Variants in DENND3 observed in about 807,000 individuals in gnomAD.
The protein encoded by DENND3 is DENN domain containing 3.
In DENND3, 88 loss-of-function variants were observed where a neutral mutation model predicts 135.1. The ratio of observed to expected loss-of-function variants is 0.65; its 90% confidence interval spans 0.55 to 0.78. The LOEUF (loss-of-function observed/expected upper bound fraction) is 0.78. Ranked by LOEUF, DENND3 falls within the 30% of genes least tolerant of loss-of-function variation. The pLI is 0.00. For missense variants in DENND3, 1,392 were observed against 1,688.4 expected (o/e 0.82, Z 3.08); for synonymous variants, 693 against 712.3 (o/e 0.97, Z 0.43).
intron 17 of DENND3, among the ~76,000 whole-genome samples, chr8:141,181,429 G>A (rs374120185): frequency 4.9e-4 from 75 of 152,326 alleles, no homozygotes; most frequent in Non-Finnish European, 7.9e-4. Flanking sequence ...TCAGATATTT[G>A]TTGTCATAGG....
At chr8:141,165,343 A>C in intron 11 of DENND3, 54 bp downstream of exon 11, 2 of 1,419,322 alleles carry the variant, frequency 1.4e-6, no homozygotes, top group Admixed American at 3.4e-5. Flanking sequence ...ACAGTGTTCA[A>C]GGACCTCAGT....
rs749534103 is a variant in DENND3, at chr8:141,136,596, G to C, written c.190G>C (p.Glu64Gln). The C allele has an allele frequency of 1.9e-6, 3 of 1,594,758 alleles. No homozygotes were observed. Among genetic ancestry groups the C allele is most frequent in the Non-Finnish European group, 2.6e-6 (3 of 1,170,908 alleles). The change falls in exon 2 of 23, where the codon GAG (glutamate) becomes CAG (glutamine). Residue 64 changes from glutamate (E) to glutamine (Q), a missense_variant. Physicochemically the swap from Glu to Gln is conservative, Grantham distance 29. Transcript: ENST00000519811. ...TTTCGTGCCTCCTTTTATCAGTAAA[G>C]AGGACAGTCAAATGGCCGGTGCCAA... ...SIFVPPFISK[E>Q]DSQMAGANCG...
intron 5 of DENND3, among the ~76,000 whole-genome samples, chr8:141,149,259 C>T (rs1370537060): frequency 2.0e-5 from 3 of 152,182 alleles, no homozygotes; most frequent in Non-Finnish European, 4.4e-5. Flanking sequence ...AAATTGGTAA[C>T]AAGAAAGCAA....
Position 141,138,621 on chromosome 8 carries a change from G to A in DENND3, c.501+484G>A, listed in dbSNP as rs1817068351. ...GGCTGGTTTCGAACTCCTGACCTCA[G>A]GTGATCCACCCGCCTCAGCCTCCCA... On this transcript the variant is annotated intron_variant, in intron 3 of 22. Transcript: ENST00000519811. This position sits in a 1 kb window ranked among gnomAD's most constrained non-coding sequence, Gnocchi z 4.8. Among the ~76,000 whole-genome samples, 1 of 152,006 alleles carries A rather than the reference G, an allele frequency of 6.6e-6. No homozygotes were observed. The highest frequency in any genetic ancestry group is 2.4e-5 in the African/African-American group (1 of 41,382).
chr8:141,190,135 T>A, intron 19 of DENND3, 149 bp from the exon 20 acceptor site: 1 of 1,066,498 alleles, frequency 9.4e-7, no homozygotes, highest in Non-Finnish European at 1.2e-6. Flanking sequence ...TTGCAGGTTA[T>A]TATGTTTGCA....
Position 141,154,593 on chromosome 8 carries a change from G to T in DENND3, c.1075-1256G>T, listed in dbSNP as rs796253989. On this transcript the variant is annotated intron_variant, in intron 7 of 22. Transcript: ENST00000519811. This position sits in a 1 kb window ranked among gnomAD's most constrained non-coding sequence, Gnocchi z 4.4. ...TTTTTTTTTTGTGAGATGGAGTTTC[G>T]CTCTTGTTGCCCAGGCTGGAGTGCA... 3.5e-4 allele frequency among the ~76,000 whole-genome samples: 52 copies of T among 149,118 alleles called. 1 individual carries two copies. Among genetic ancestry groups the T allele is most frequent in the African/African-American group, 1.2e-3 (50 of 40,446 alleles).
chr8:141,136,312 G>A (rs986880619), intron 1 of DENND3, among the ~76,000 whole-genome samples, 197 bp from the exon 2 acceptor site: 41 of 152,098 alleles, frequency 2.7e-4, no homozygotes, highest in African/African-American at 8.2e-4. Context: ...GCGAGTCTAC[G>A]TGGCTTCCCT....
Position 141,178,061 on chromosome 8 carries a change from T to C in DENND3, c.2707-6T>C. ...CTGTTTTGAAACGCACGTGTTTCTG[T>C]TGTAGGACCCTCACTACGTCCAGCA... On this transcript the variant is annotated splice_region_variant and splice_polypyrimidine_tract_variant and intron_variant, in intron 15 of 22. Transcript: ENST00000519811. 2 of 1,600,858 alleles carry C rather than the reference T, an allele frequency of 1.2e-6. No individual in the cohort carries two copies. The highest frequency in any genetic ancestry group is 8.5e-7 in the Non-Finnish European group (1 of 1,169,908).
At chr8:141,186,447 A>C (rs1347675325) in intron 18 of DENND3, among the ~76,000 whole-genome samples, 1 of 152,208 alleles carries the variant, frequency 6.6e-6, no homozygotes, top group Non-Finnish European at 1.5e-5. Context: ...TGCAGGCTGT[A>C]CGTGGCCCAG....
intron 16 of DENND3, among the ~76,000 whole-genome samples, chr8:141,178,912 T>C (rs1274406163): frequency 6.6e-6 from 1 of 152,232 alleles, no homozygotes; most frequent in Non-Finnish European, 1.5e-5. Flanking sequence ...GTTTGGTCTG[T>C]CCCTTCATCA....
chr8:141,141,309 A>G lies in DENND3; in HGVS notation c.608A>G (p.Lys203Arg), dbSNP rs1817423855. ...AGGTTTCCCTATTACAACTCCCTCA[A>G]GGACTGCCTTTCCTGGTGAGCTGGG... is the stretch of plus-strand genomic sequence containing the variant. ...VSRFPYYNSL[K>R]DCLSCLLALL... The change falls in exon 4 of 23, where the codon AAG becomes AGG. Residue 203 changes from lysine (K) to arginine (R), a missense_variant. Transcript: ENST00000519811. The surrounding 1 kb of genome is among the most constrained non-coding windows in gnomAD (Gnocchi z 5.3). 1 of 1,609,830 alleles carries G rather than the reference A, an allele frequency of 6.2e-7. No individual in the cohort carries two copies. The highest frequency in any genetic ancestry group is 8.5e-7 in the Non-Finnish European group (1 of 1,178,272).
intron 16 of DENND3, among the ~76,000 whole-genome samples, chr8:141,179,126 C>T (rs1366221393): frequency 6.6e-6 from 1 of 152,214 alleles, no homozygotes; most frequent in Non-Finnish European, 1.5e-5. Context: ...CATCTGTCAC[C>T]AACTGCAGGA....
At chr8:141,157,427 G>C in intron 8 of DENND3, 1 of 985,502 alleles carries the variant, frequency 1.0e-6, no homozygotes, top group African/African-American at 1.7e-5. Context: ...GAGAGATCCT[G>C]CTCTTGAGTC....
Position 141,139,203 on chromosome 8 carries a change from A to T in DENND3, c.501+1066A>T, listed in dbSNP as rs750567711. Among the ~76,000 whole-genome samples, 4 of 152,132 alleles carry T rather than the reference A, an allele frequency of 2.6e-5. No individual in the cohort carries two copies. The highest frequency in any genetic ancestry group is 5.9e-5 in the Non-Finnish European group (4 of 68,028). On this transcript the variant is annotated intron_variant, in intron 3 of 22. Coordinates refer to ENST00000519811, the MANE Select transcript of DENND3 (RefSeq NM_001352890.3). The surrounding 1 kb of genome is among the most constrained non-coding windows in gnomAD (Gnocchi z 4.2). ...CAGTCGAGAGAAATGGCTGGCCTGG[A>T]TTCCCTCGGAGCCCGGGACACGTGT...
intron 1 of DENND3, among the ~76,000 whole-genome samples, chr8:141,132,790 A>T (rs1816282936): frequency 6.6e-6 from 1 of 152,190 alleles, no homozygotes; most frequent in Non-Finnish European, 1.5e-5. Flanking sequence ...GGGGCACATC[A>T]TTATAAGTGA....
At chr8:141,147,410 C>G (rs899874608) in intron 5 of DENND3, among the ~76,000 whole-genome samples, 1 of 152,252 alleles carries the variant, frequency 6.6e-6, no homozygotes, top group African/African-American at 2.4e-5. Flanking sequence ...CCCTGTCTCA[C>G]TGTCCAGCTC....
chr8:141,136,359 C>T, intron 1 of DENND3, 150 bp from the exon 2 acceptor site: 1 of 812,840 alleles, frequency 1.2e-6, no homozygotes, highest in Non-Finnish European at 1.9e-6. Context: ...AAGAAGCTTC[C>T]CAGGAGCCCT....
At chr8:141,150,114 C>T (rs957298494) in intron 5 of DENND3, among the ~76,000 whole-genome samples, 12 of 152,236 alleles carry the variant, frequency 7.9e-5, no homozygotes, top group South Asian at 4.1e-4. Flanking sequence ...CCATTACGCT[C>T]GTTTCCTGGA....
chr8:141,139,801 G>T lies in DENND3; in HGVS notation c.502-1402G>T, dbSNP rs1289549158. 6.6e-6 allele frequency among the ~76,000 whole-genome samples: 1 copy of T among 152,212 alleles called. No individual in the cohort carries two copies. The highest frequency in any genetic ancestry group is 1.5e-5 in the Non-Finnish European group (1 of 68,048). On this transcript the variant is annotated intron_variant, in intron 3 of 22. Transcript: ENST00000519811. The surrounding 1 kb of genome is among the most constrained non-coding windows in gnomAD (Gnocchi z 4.2). ...GCCTGGCGTGGGCATGCCTGGTCCT[G>T]CTCCTGCCTTCCCAGCAGCTGTGTA...
Sources: allele counts gnomAD v4.1 joint callset (sites outside exome capture counted in the v4.1 genomes callset), GRCh38; gene constraint gnomAD v4.1.1; non-coding constraint Gnocchi (gnomAD v3.1); transcripts MANE v1.5; gene names NCBI Gene and HGNC (gene_info 2026-07-23, HGNC 2026-07-21).